Variants in VWF observed in about 807,000 individuals in gnomAD.
The protein encoded by VWF is von Willebrand factor, also known as Factor VIII related antigen.
In VWF, 176 loss-of-function variants were observed where a neutral mutation model predicts 308.6. The observed-to-expected ratio is 0.57, with a 90% CI of 0.50 to 0.65. The LOEUF is 0.65. VWF is among the 30% of genes least tolerant of loss of function. VWF has a pLI of 0.00. For synonymous variants in VWF, 1,385 were observed against 1,443.4 expected, an observed-to-expected ratio of 0.96 and a Z score of 0.92; for missense variants, 3,146 against 3,648.2, an observed-to-expected ratio of 0.86 and a Z score of 3.55.
intron 20 of VWF, 128 bp from the exon 21 acceptor site, chr12:6,031,706 G>A (rs1565836748): frequency 4.5e-5 from 64 of 1,431,406 alleles, no homozygotes; most frequent in East Asian, 7.0e-5. Flanking sequence ...CCATGGCTGC[G>A]CATATGTGCC....
intron 7 of VWF, 127 bp from the exon 8 acceptor site, chr12:6,073,868 G>A (rs1944809632): frequency 1.4e-6 from 2 of 1,458,370 alleles, no homozygotes; most frequent in Non-Finnish European, 1.9e-6. Context: ...AGGCTTCCAG[G>A]TCCTTCTCAC....
intron 18 of VWF, among the ~76,000 whole-genome samples, chr12:6,039,829 C>T (rs1473955737): frequency 6.6e-6 from 1 of 152,112 alleles, no homozygotes; most frequent in Admixed American, 6.5e-5. Flanking sequence ...AGTGAGGAAA[C>T]TGGACATCCT....
chr12:6,092,010 C>T (rs1376485606), intron 6 of VWF, among the ~76,000 whole-genome samples: 3 of 152,208 alleles, frequency 2.0e-5, no homozygotes, highest in Non-Finnish European at 2.9e-5. Context: ...CATGCACTCA[C>T]GCTCTGCAGA....
intron 10 of VWF, among the ~76,000 whole-genome samples, chr12:6,069,597 G>A (rs1486692191): frequency 6.6e-6 from 1 of 152,186 alleles, no homozygotes; most frequent in African/African-American, 2.4e-5. Context: ...AAATATGCTT[G>A]TGTGCGTGGG....
intron 38 of VWF, among the ~76,000 whole-genome samples, chr12:5,989,015 T>C (rs1943709417): frequency 6.6e-6 from 1 of 152,062 alleles, no homozygotes; most frequent in Admixed American, 6.5e-5. Context: ...GGGATGCAAA[T>C]GAAATGCAAA....
intron 3 of VWF, among the ~76,000 whole-genome samples, chr12:6,118,486 CAA>C (rs1945393743): frequency 7.1e-6 from 1 of 141,412 alleles, no homozygotes; most frequent in African/African-American, 2.6e-5. Flanking sequence ...CTCCCAAGTT[CAA>C]GTGATTCTTG....
At chr12:6,110,051 T>C (rs914706651) in intron 5 of VWF, among the ~76,000 whole-genome samples, 2 of 152,092 alleles carry the variant, frequency 1.3e-5, no homozygotes, top group African/African-American at 4.8e-5. Flanking sequence ...GACCGACCAC[T>C]CCATAGATTT....
At chr12:6,123,281 C>T in intron 1 of VWF, 85 bp from the exon 2 acceptor site, 1 of 1,460,680 alleles carries the variant, frequency 6.8e-7, no homozygotes, top group South Asian at 1.1e-5. Flanking sequence ...CATGCAGTAG[C>T]AAAAACATTT....
rs536452537 is a variant in VWF at position 5,971,970 on chromosome 12, C to A, written c.7438-261G>T. 7.2e-5 allele frequency among the ~76,000 whole-genome samples: 11 copies of A among 152,306 alleles called. No homozygotes were observed. The East Asian group carries it at 1.9e-3, about 27-fold the overall frequency. On this transcript the variant is annotated intron_variant, in intron 43 of 51. Transcript: ENST00000261405. ...ACTTTGAGAGAGACCATGATCCAGT[C>A]CATAGGAGCATTAAAGACAGCCCAG...
intron 44 of VWF, among the ~76,000 whole-genome samples, chr12:5,969,833 C>G (rs1052981863): frequency 2.4e-4 from 37 of 152,292 alleles, no homozygotes; most frequent in South Asian, 1.9e-3. Flanking sequence ...ACCCCTGCAG[C>G]CCTGCAATCT....
chr12:5,949,967 G>A (rs997814432), intron 50 of VWF, 84 bp from the exon 51 acceptor site: 9 of 1,244,110 alleles, frequency 7.2e-6, no homozygotes, highest in African/African-American at 5.9e-5. Flanking sequence ...TCACTGGGCT[G>A]GAAATAGGTC....
chr12:6,041,273 T>C (rs1009832038), intron 18 of VWF, among the ~76,000 whole-genome samples: 5 of 151,226 alleles, frequency 3.3e-5, no homozygotes, highest in Non-Finnish European at 4.4e-5. Flanking sequence ...CTACTAAAAA[T>C]ACAAAAATCA....
chr12:6,106,185 G>A (rs1265596056), intron 5 of VWF, among the ~76,000 whole-genome samples: 17 of 152,084 alleles, frequency 1.1e-4, no homozygotes, highest in Admixed American at 1.1e-3. Context: ...AAGTACGTAC[G>A]GTCTGTATGC....
Position 6,016,096 on chromosome 12 carries a change from C to T in VWF, c.5448G>A (p.Arg1816=). 1 of 1,614,136 alleles carries T rather than the reference C, an allele frequency of 6.2e-7. No individual in the cohort carries two copies. Residue 1816 remains arginine (R), a synonymous_variant, in exon 31 of 52, where the codon AGG becomes AGA. Coordinates refer to ENST00000261405, the MANE Select transcript of VWF (RefSeq NM_000552.5). ...TGTACACCAGATTCTTACTGTTGGACCTGGCGGCATCAGCTGCTGCATCCA... is the reference window on the plus strand; with the variant it reads ...TGTACACCAGATTCTTACTGTTGGATCTGGCGGCATCAGCTGCTGCATCCA... ...DSVDAAADAA[R]SNRVTVFPIG...
At chr12:6,115,666 G>A (rs1293730057) in intron 3 of VWF, among the ~76,000 whole-genome samples, 4 of 152,182 alleles carry the variant, frequency 2.6e-5, no homozygotes, top group Non-Finnish European at 2.9e-5. Context: ...TTTACAGACG[G>A]AGAAACGAAG....
At chr12:5,991,538 A>C (rs1187282967) in intron 38 of VWF, among the ~76,000 whole-genome samples, 1 of 152,202 alleles carries the variant, frequency 6.6e-6, no homozygotes, top group Non-Finnish European at 1.5e-5. Flanking sequence ...TGCTTAAATG[A>C]CTATAATCAT....
rs1944110735 is a variant in VWF, at chr12:6,019,808, C to A, written c.3675-65G>T. ...AACCTGTGGACACTTCTGAGCCCTA[C>A]AGTGTACAATGACTTCCATATTCCC... On this transcript the variant is annotated intron_variant, in intron 27 of 51. Transcript: ENST00000261405. The surrounding 1 kb of genome is among the most constrained non-coding windows in gnomAD (Gnocchi z 5.8). The A allele has an allele frequency of 1.3e-6, 2 of 1,521,626 alleles. No individual in the cohort carries two copies. Among genetic ancestry groups the A allele is most frequent in the Non-Finnish European group, 8.9e-7 (1 of 1,125,382 alleles). 94.3% of individuals were successfully genotyped at this position (1,521,626 alleles called of 1,614,324 possible). A position where few individuals can be genotyped will look rare whatever the true frequency, so the allele number is the denominator to read the frequency against.
rs190587411 is a variant in VWF, at chr12:6,008,963, G to A, written c.5842+2654C>T. 1.3e-3 allele frequency among the ~76,000 whole-genome samples: 199 copies of A among 152,182 alleles called. 3 individuals are homozygous for A. The highest frequency in any genetic ancestry group is 4.4e-3 in the African/African-American group (182 of 41,534). On this transcript the variant is annotated intron_variant, in intron 34 of 51. Coordinates refer to ENST00000261405, the MANE Select transcript of VWF (RefSeq NM_000552.5). ...CAAAATCAAACTTAAACACTGATAC[G>A]TAAAACCTGAAATTATAAAACTCCT...
intron 47 of VWF, among the ~76,000 whole-genome samples, chr12:5,957,289 G>A (rs1014976161): frequency 2.6e-5 from 4 of 152,060 alleles, no homozygotes; most frequent in Admixed American, 2.6e-4. Context: ...TATCCCCATT[G>A]TTAAGCAACA....
Sources: gnomAD v4.1 joint callset for allele counts (sites outside exome capture counted in the v4.1 genomes callset) on GRCh38, gnomAD v4.1.1 for gene constraint, Gnocchi (gnomAD v3.1) non-coding constraint, MANE v1.5 for transcripts, NCBI Gene and HGNC (gene_info 2026-07-23, HGNC 2026-07-21) for gene names.